Variants in SAMD3 observed in about 807,000 individuals in gnomAD.
The protein encoded by SAMD3 is sterile alpha motif domain containing 3.
Under a neutral mutation model 58.5 loss-of-function variants are expected in SAMD3, and 63 were observed. That is an observed-to-expected ratio of 1.08 (90% confidence interval 0.88 to 1.33). The LOEUF (loss-of-function observed/expected upper bound fraction) is 1.33. Ranked by LOEUF, SAMD3 falls within the 40% of genes most tolerant of loss-of-function variation. The pLI, the probability that SAMD3 is intolerant of heterozygous loss-of-function variation, is 0.00. For missense variants in SAMD3, 604 were observed against 608.4 expected (o/e 0.99, Z 0.08); for synonymous variants, 220 against 210.3 (o/e 1.05, Z -0.40).
intron 2 of SAMD3, among the ~76,000 whole-genome samples, chr6:130,262,205 G>A (rs11154542): frequency 0.32 from 47,895 of 151,826 alleles, 8,093 homozygotes; most frequent in East Asian, 0.47. Context: ...TATCTCGAAA[G>A]CACTGAGGCC....
intron 1 of SAMD3, among the ~76,000 whole-genome samples, chr6:130,328,461 A>G (rs1305432177): frequency 1.3e-5 from 2 of 152,222 alleles, no homozygotes; most frequent in African/African-American, 4.8e-5. Context: ...TGCCCAGGCA[A>G]TACTAATCCC....
intron 2 of SAMD3, among the ~76,000 whole-genome samples, chr6:130,303,642 A>G (rs1170071105): frequency 2.3e-4 from 35 of 152,154 alleles, no homozygotes; most frequent in African/African-American, 9.7e-5. Context: ...TTGGCCACAC[A>G]TGCAAAAACA....
chr6:130,264,256 C>G lies in SAMD3; in HGVS notation c.-187-41443G>C, dbSNP rs193123933. ...AGCTCTCTGTGTTCTATCCCGAAGT[C>G]TGGCACCCTGCGGTTCAGCTGCCAA... On this transcript the variant is annotated intron_variant, in intron 2 of 13. Coordinates refer to the SAMD3 transcript ENST00000368134. 1.3e-3 allele frequency among the ~76,000 whole-genome samples: 192 copies of G among 152,310 alleles called. 1 individual carries two copies. The highest frequency in any genetic ancestry group is 4.4e-3 in the African/African-American group (184 of 41,568).
chr6:130,145,456 A>AAAT, intron 10 of SAMD3, 34 bp from the exon 11 acceptor site: 1 of 1,483,760 alleles, frequency 6.7e-7, no homozygotes. Flanking sequence ...TGTGAAGTAA[A>AAAT]AATAAGCTTT....
At chr6:130,233,303 C>G (rs1796597294) in intron 2 of SAMD3, among the ~76,000 whole-genome samples, 1 of 152,158 alleles carries the variant, frequency 6.6e-6, no homozygotes, top group Non-Finnish European at 1.5e-5. Flanking sequence ...GCAGGATGTG[C>G]AGGTCTGTTA....
chr6:130,265,403 C>T (rs536648659), intron 2 of SAMD3, among the ~76,000 whole-genome samples: 16 of 152,248 alleles, frequency 1.1e-4, no homozygotes, highest in South Asian at 2.1e-4. Flanking sequence ...GGTCCATGCA[C>T]GGCCGAAGCA....
chr6:130,335,409 G>C (rs1387232719), intron 1 of SAMD3, among the ~76,000 whole-genome samples: 1 of 152,146 alleles, frequency 6.6e-6, no homozygotes, highest in East Asian at 1.9e-4. Flanking sequence ...CTGATAGAGG[G>C]CCACCTGTGT....
intron 2 of SAMD3, among the ~76,000 whole-genome samples, chr6:130,278,935 A>G (rs1461764055): frequency 3.3e-5 from 5 of 152,148 alleles, no homozygotes; most frequent in African/African-American, 1.2e-4. Flanking sequence ...AGACTCTGCA[A>G]TTCTATCAAA....
At chr6:130,343,428 G>GT (rs1372061257) in intron 1 of SAMD3, among the ~76,000 whole-genome samples, 13 of 152,136 alleles carry the variant, frequency 8.5e-5, no homozygotes, top group African/African-American at 3.1e-4. Flanking sequence ...CTGCAGTATT[G>GT]TAAGAAAGCT....
At chr6:130,271,053 A>C (rs1327215558) in intron 2 of SAMD3, among the ~76,000 whole-genome samples, 2 of 151,134 alleles carry the variant, frequency 1.3e-5, no homozygotes, top group African/African-American at 4.9e-5. Context: ...GCTGAAGTGC[A>C]CTGTGGCGCC....
At chr6:130,215,713 C>T (rs867811241) in intron 2 of SAMD3, 5 of 1,465,816 alleles carry the variant, frequency 3.4e-6, no homozygotes, top group Non-Finnish European at 3.6e-6. Context: ...AAGGGGTGGG[C>T]AGGAGAGGAA....
rs139877591 is a variant in SAMD3, at chr6:130,292,259, T to C, written c.-188+20719A>G. Among the ~76,000 whole-genome samples, 116 of 144,808 alleles carry C rather than the reference T, an allele frequency of 8.0e-4. 1 individual carries two copies. Among genetic ancestry groups the C allele is most frequent in the African/African-American group, 2.5e-3 (97 of 38,920 alleles). The allele number at this position is 144,808 out of a possible 152,430, so 95.0% of individuals were successfully genotyped here. The stretch of plus-strand genomic sequence containing the variant: ...ATTCAATTCTCAGGAATAACTTTTT[T>C]TTTCTTTCTTTCTTTTTTTTTTTTT... On this transcript the variant is annotated intron_variant, in intron 2 of 13. Coordinates refer to the SAMD3 transcript ENST00000368134.
chr6:130,364,166 TTTC>T (rs1338751663), intron 1 of SAMD3, among the ~76,000 whole-genome samples: 1 of 152,214 alleles, frequency 6.6e-6, no homozygotes, highest in Non-Finnish European at 1.5e-5. Flanking sequence ...TTAGTCTATC[TTTC>T]TTCTTTTTTG....
intron 1 of SAMD3, among the ~76,000 whole-genome samples, chr6:130,360,507 C>T (rs150472945): frequency 4.9e-4 from 74 of 152,178 alleles, no homozygotes; most frequent in African/African-American, 1.6e-3. Context: ...AGGGAGTGTA[C>T]GAATAGGGTG....
chr6:130,173,379 T>C (rs537657703), intron 8 of SAMD3, among the ~76,000 whole-genome samples: 4 of 152,262 alleles, frequency 2.6e-5, no homozygotes, highest in Non-Finnish European at 5.9e-5. Flanking sequence ...GGGAGTCCTT[T>C]ATGTTGACAT....
At chr6:130,148,427 T>G (rs1024856829) in intron 9 of SAMD3, among the ~76,000 whole-genome samples, 10 of 152,252 alleles carry the variant, frequency 6.6e-5, no homozygotes, top group African/African-American at 2.4e-4. Flanking sequence ...GTGCAAGCAC[T>G]TCCTTCATTT....
intron 1 of SAMD3, among the ~76,000 whole-genome samples, chr6:130,352,434 A>G (rs1777703700): frequency 6.6e-6 from 1 of 152,102 alleles, no homozygotes; most frequent in Non-Finnish European, 1.5e-5. Flanking sequence ...GACTTTTCTT[A>G]CTATCAATAA....
intron 8 of SAMD3, among the ~76,000 whole-genome samples, chr6:130,163,494 A>T (rs1273663607): frequency 6.6e-6 from 1 of 152,200 alleles, no homozygotes; most frequent in Non-Finnish European, 1.5e-5. Context: ...GTCAATCAGC[A>T]GGCAGAGTTT....
chr6:130,144,825 A>T (rs1331047068), intron 11 of SAMD3, 21 bp from the exon 12 acceptor site: 1 of 1,594,236 alleles, frequency 6.3e-7, no homozygotes, highest in Non-Finnish European at 8.5e-7. Context: ...GAGTGGAGTC[A>T]TTACCATGAT....
Sources: gnomAD v4.1 joint callset for allele counts (sites outside exome capture counted in the v4.1 genomes callset) on GRCh38, gnomAD v4.1.1 for gene constraint, MANE v1.5 for transcripts, NCBI Gene and HGNC (gene_info 2026-07-23, HGNC 2026-07-21) for gene names.